The following DLGAP2 variants were observed in gnomAD, a reference collection of about 807,000 sequenced individuals.
The protein encoded by DLGAP2 is DLG associated protein 2.
In DLGAP2, 26 loss-of-function variants were observed where a neutral mutation model predicts 100.3. The ratio of observed to expected loss-of-function variants is 0.26; its 90% CI spans 0.19 to 0.36. The LOEUF is 0.36. DLGAP2 is among the 10% of genes least tolerant of loss of function. The pLI, the probability that DLGAP2 is intolerant of heterozygous loss-of-function variation, is 1.00. For synonymous variants in DLGAP2, 886 were observed against 630.1 expected, an observed-to-expected ratio of 1.41 and a Z score of -6.08; for missense variants, 1,858 against 1,453.2, an observed-to-expected ratio of 1.28 and a Z score of -4.53.
At chr8:1,212,454 A>G (rs7829754) in intron 2 of DLGAP2, among the ~76,000 whole-genome samples, 90,810 of 152,012 alleles carry the variant, frequency 0.6, 27,349 homozygotes, top group South Asian at 0.7. Context: ...GATCTATTTG[A>G]TGTCTAGTTA....
At chr8:1,607,914 T>C (rs9969389) in intron 6 of DLGAP2, among the ~76,000 whole-genome samples, 234 of 146,716 alleles carry the variant, frequency 1.6e-3, no homozygotes, top group African/African-American at 5.7e-3. Flanking sequence ...CGCTGATTGC[T>C]AGCACAGCAG....
At chr8:888,957 G>C (rs1355164294) in intron 1 of DLGAP2, among the ~76,000 whole-genome samples, 1 of 152,134 alleles carries the variant, frequency 6.6e-6, no homozygotes, top group Non-Finnish European at 1.5e-5. Flanking sequence ...GATGCAGGTG[G>C]GCTGAGTCCG....
chr8:1,225,503 G>A (rs1282560198), intron 2 of DLGAP2, among the ~76,000 whole-genome samples: 1 of 152,214 alleles, frequency 6.6e-6, no homozygotes, highest in Non-Finnish European at 1.5e-5. Flanking sequence ...AAACTGGACA[G>A]AGCTGGTTGA....
chr8:1,672,215 TTTTTTA>T (rs1401185966), intron 10 of DLGAP2, among the ~76,000 whole-genome samples: 2 of 144,852 alleles, frequency 1.4e-5, no homozygotes, highest in Non-Finnish European at 3.0e-5. Flanking sequence ...TTTGTTGTTG[TTTTTTA>T]TTTTTAATTT....
chr8:1,507,431 C>T (rs62485648), intron 4 of DLGAP2, among the ~76,000 whole-genome samples: 41 of 152,300 alleles, frequency 2.7e-4, no homozygotes, highest in African/African-American at 9.1e-4. Flanking sequence ...CTGGCGCTGG[C>T]CGGCCGCTCC....
intron 2 of DLGAP2, among the ~76,000 whole-genome samples, chr8:966,791 CTGT>C (rs1799882565): frequency 6.6e-6 from 1 of 152,196 alleles, no homozygotes; most frequent in Non-Finnish European, 1.5e-5. Context: ...CTAGAAATGA[CTGT>C]TGTTAGGATG....
intron 6 of DLGAP2, among the ~76,000 whole-genome samples, chr8:1,586,832 A>G (rs963229350): frequency 6.6e-6 from 1 of 152,176 alleles, no homozygotes; most frequent in Non-Finnish European, 1.5e-5. Flanking sequence ...CAGTCTACTT[A>G]TTGCCAAGGT....
chr8:1,349,076 T>C (rs1801640532), intron 3 of DLGAP2, among the ~76,000 whole-genome samples: 2 of 151,736 alleles, frequency 1.3e-5, no homozygotes, highest in South Asian at 4.2e-4. Context: ...CCAAGTCACC[T>C]CAGCAGTGTG....
At chr8:1,038,277 CA>C (rs1802192713) in intron 2 of DLGAP2, among the ~76,000 whole-genome samples, 1 of 152,196 alleles carries the variant, frequency 6.6e-6, no homozygotes, top group South Asian at 2.1e-4. Flanking sequence ...ATGATTCTTC[CA>C]GAACCTTTTT....
intron 1 of DLGAP2, among the ~76,000 whole-genome samples, chr8:763,338 C>T (rs1821134026): frequency 6.6e-6 from 1 of 152,202 alleles, no homozygotes; most frequent in African/African-American, 2.4e-5. Context: ...TGTTGTCACT[C>T]ATCTTCTTGC....
chr8:1,557,582 G>C (rs1007210191), intron 5 of DLGAP2, among the ~76,000 whole-genome samples: 1 of 152,100 alleles, frequency 6.6e-6, no homozygotes, highest in Non-Finnish European at 1.5e-5. Context: ...AGCCTGGGTG[G>C]TGCGTGAGTC....
At chr8:1,387,790 C>T (rs960852942) in intron 3 of DLGAP2, among the ~76,000 whole-genome samples, 3 of 152,166 alleles carry the variant, frequency 2.0e-5, no homozygotes, top group African/African-American at 7.2e-5. Flanking sequence ...AGGGCCTCAC[C>T]TGTGCCACAA....
At chr8:1,163,364 C>G (rs955422814) in intron 2 of DLGAP2, among the ~76,000 whole-genome samples, 1 of 152,252 alleles carries the variant, frequency 6.6e-6, no homozygotes, top group Non-Finnish European at 1.5e-5. Flanking sequence ...CCTTCGCCTC[C>G]GCTCAGCGGG....
chr8:1,535,151 C>T (rs922045237), intron 4 of DLGAP2, among the ~76,000 whole-genome samples: 13 of 152,224 alleles, frequency 8.5e-5, no homozygotes, highest in Non-Finnish European at 1.6e-4. Context: ...GGCCGCTCCC[C>T]GACAGATGCC....
At chr8:886,464 G>A (rs567796164) in intron 1 of DLGAP2, among the ~76,000 whole-genome samples, 1 of 152,046 alleles carries the variant, frequency 6.6e-6, no homozygotes, top group African/African-American at 2.4e-5. Flanking sequence ...TGCACTGTTG[G>A]GGTGTCTATC....
intron 3 of DLGAP2, among the ~76,000 whole-genome samples, chr8:1,440,139 GA>G (rs1046507261): frequency 1.3e-4 from 19 of 151,844 alleles, no homozygotes; most frequent in African/African-American, 4.1e-4. Flanking sequence ...ATTTTAAGAA[GA>G]AAAAAAGGAA....
At chr8:831,322 C>T (rs774019325) in intron 1 of DLGAP2, among the ~76,000 whole-genome samples, 12 of 151,040 alleles carry the variant, frequency 7.9e-5, no homozygotes, top group Non-Finnish European at 1.5e-4. Context: ...CCCATCAACT[C>T]GTCATTTACA....
chr8:909,155 G>C (rs374201042), intron 2 of DLGAP2, among the ~76,000 whole-genome samples: 2 of 152,184 alleles, frequency 1.3e-5, no homozygotes, highest in Non-Finnish European at 1.5e-5. Flanking sequence ...TCTCAGCTAC[G>C]AGTTTGAGCA....
chr8:1,186,814 G>T (rs1325885453), intron 2 of DLGAP2, among the ~76,000 whole-genome samples: 12 of 152,128 alleles, frequency 7.9e-5, no homozygotes, highest in Admixed American at 3.3e-4. Context: ...GGAGTGCCTG[G>T]CTTGGCTTTG....
Sources: allele counts gnomAD v4.1 joint callset (sites outside exome capture counted in the v4.1 genomes callset), GRCh38; gene constraint gnomAD v4.1.1; transcripts MANE v1.5; gene names NCBI Gene and HGNC (gene_info 2026-07-23, HGNC 2026-07-21).